SMCR8: variants seen among roughly 807,000 people sequenced by gnomAD.
SMCR8 encodes SMCR8-C9orf72 complex subunit, also known as guanine nucleotide exchange protein SMCR8.
In SMCR8, 30 loss-of-function variants were observed where a neutral mutation model predicts 56.6. The observed-to-expected ratio is 0.53, with a 90% CI of 0.40 to 0.72. The LOEUF (loss-of-function observed/expected upper bound fraction) is 0.72. Among genes scored for constraint, SMCR8 ranks in the 30% least tolerant of loss-of-function variants. SMCR8 has a pLI of 0.00. For synonymous variants in SMCR8, 538 were observed against 456.0 expected (o/e 1.18, Z -2.29); for missense variants, 1,198 against 1,157.0 (o/e 1.04, Z -0.51).
rs548852724 is a variant in SMCR8, at chr17:18,321,181, T to C, written c.2361-1436T>C. On this transcript the variant is annotated intron_variant, in intron 1 of 1. Coordinates refer to ENST00000406438, the MANE Select transcript of SMCR8 (RefSeq NM_144775.3). ...GTCCCAAGTCACCGTCAGTCCTTCT[T>C]ACACCATACCTGTCTGACGTAAACC... 2.6e-5 allele frequency among the ~76,000 whole-genome samples: 4 copies of C among 152,364 alleles called. No homozygotes were observed. The South Asian group carries it at 8.3e-4, about 32-fold the overall frequency.
At chr17:18,320,827 G>A (rs552384160) in intron 1 of SMCR8, among the ~76,000 whole-genome samples, 9 of 152,242 alleles carry the variant, frequency 5.9e-5, no homozygotes, top group Non-Finnish European at 1.0e-4. Flanking sequence ...TGCTTTTGCC[G>A]TGGTCTGCCA....
At position 18,317,485 on chromosome 17, in the gene SMCR8, C is replaced by T. The variant is rs375687854; in HGVS notation, c.1696C>T (p.Leu566=). 1.1e-5 allele frequency: 17 copies of T among 1,613,970 alleles called. No individual in the cohort carries two copies. Among genetic ancestry groups the T allele is most frequent in the Non-Finnish European group, 1.4e-5 (17 of 1,180,040 alleles). The part of the protein sequence containing the change: ...RFQASISPPE[L]GETEEGSIEN... ...CCAGGCAAGCATCAGTCCTCCAGAA[C>T]TGGGTGAGACAGAGGAAGGCAGCAT... Residue 566 remains leucine, a synonymous_variant, in exon 1 of 2, where the codon CTG becomes TTG. Transcript: ENST00000406438.
rs746887623 is a variant in SMCR8 at position 18,316,176 on chromosome 17, G to A, written c.387G>A (p.Lys129=). ...EDSKVVLGDS[K]EGAFAYVHHL... ...CCAAGGTGGTGCTGGGAGATTCTAA[G>A]GAGGGCGCCTTTGCATACGTGCACC... The change falls in exon 1 of 2, where the codon AAG becomes AAA. Residue 129 remains lysine, a synonymous_variant. Coordinates refer to ENST00000406438, the MANE Select transcript of SMCR8 (RefSeq NM_144775.3). 15 of 1,614,002 alleles carry A rather than the reference G, an allele frequency of 9.3e-6. No homozygotes were observed. Among genetic ancestry groups the A allele is most frequent in the East Asian group, 8.9e-5 (4 of 44,898 alleles).
chr17:18,320,731 A>G (rs1982472550), intron 1 of SMCR8, among the ~76,000 whole-genome samples: 1 of 152,182 alleles, frequency 6.6e-6, no homozygotes, highest in Middle Eastern at 3.2e-3. Context: ...TGTGGGATGC[A>G]TGTGGTCCAT....
Position 18,315,552 on chromosome 17 carries a change from C to A in SMCR8, c.-238C>A. ...ACGAAGAAGAGAAGGGCAGTTGGGC[C>A]TGCGGCCTTGGCGTTCATGAGGCCT... On this transcript the variant is annotated 5_prime_UTR_variant, in exon 1 of 2. In the 5' UTR this introduces an upstream ATG that the reference lacks. Transcript: ENST00000406438. The A allele has an allele frequency of 2.1e-6, 1 of 479,290 alleles. No homozygotes were observed. Among genetic ancestry groups the A allele is most frequent in the Non-Finnish European group, 3.7e-6 (1 of 271,570 alleles). 29.7% of individuals were successfully genotyped at this position (479,290 alleles called of 1,614,324 possible).
chr17:18,319,661 A>G (rs1354145814), intron 1 of SMCR8, among the ~76,000 whole-genome samples: 2 of 152,068 alleles, frequency 1.3e-5, no homozygotes, highest in Non-Finnish European at 2.9e-5. Flanking sequence ...GGGATAAGAG[A>G]TGGCTAAACA....
chr17:18,317,619 G>A lies in SMCR8; in HGVS notation c.1830G>A (p.Gly610=), dbSNP rs759097014. The change falls in exon 1 of 2, where the codon GGG becomes GGA. Residue 610 remains glycine, a synonymous_variant. Transcript: ENST00000406438. ...CCCACACACACTCTGACGAGGATGGGGTGGTGAGCAGCCCCCCACAGCGCC... is the reference window on the plus strand; with the variant it reads ...CCCACACACACTCTGACGAGGATGGAGTGGTGAGCAGCCCCCCACAGCGCC... ...TPAHTHSDED[G]VVSSPPQRHR... is the part of the protein sequence containing the mutation. 4.3e-6 allele frequency: 7 copies of A among 1,614,140 alleles called. No individual in the cohort carries two copies. The highest frequency in any genetic ancestry group is 2.2e-5 in the East Asian group (1 of 44,882).
rs1461228883 is a variant in SMCR8 at position 18,327,393 on chromosome 17, C to T, written c.*4323C>T. 1 of 152,276 alleles carries T rather than the reference C, an allele frequency of 6.6e-6. No homozygotes were observed. Among genetic ancestry groups the T allele is most frequent in the Non-Finnish European group, 1.5e-5 (1 of 68,094 alleles). 9.4% of individuals were successfully genotyped at this position (152,276 alleles called of 1,614,324 possible). On this transcript the variant is annotated 3_prime_UTR_variant, in exon 2 of 2. Transcript: ENST00000406438. ...AGCCCTGGAGATGGCAGCTTGTCTC[C>T]AGCTGGGGAGGGGTCAGGCCCCTAA...
chr17:18,322,157 A>G (rs1354749734), intron 1 of SMCR8, among the ~76,000 whole-genome samples: 3 of 152,068 alleles, frequency 2.0e-5, no homozygotes, highest in Non-Finnish European at 4.4e-5. Flanking sequence ...GACTACAGGC[A>G]CCTGCCACCA....
rs781289836 is a variant in SMCR8 at position 18,316,884 on chromosome 17, G to A, written c.1095G>A (p.Gln365=). 8 of 1,614,196 alleles carry A rather than the reference G, an allele frequency of 5.0e-6. No homozygotes were observed. The highest frequency in any genetic ancestry group is 1.7e-5 in the Admixed American group (1 of 60,024). The change falls in exon 1 of 2, where the codon CAG becomes CAA. Residue 365 remains glutamine (Q), a synonymous_variant. Transcript: ENST00000406438. The stretch of plus-strand genomic sequence containing the variant: ...TTGATAGAGCACTTCTAAAACAACA[G>A]CATATAACAAACTTTCTCTTTGAAG... ...SQIDRALLKQ[Q]HITNFLFEDF...
chr17:18,317,034 T>A lies in SMCR8; in HGVS notation c.1245T>A (p.Val415=). The part of the protein sequence containing the change: ...ECPIPKVLIS[V]GSYKSSVESV... Reference sequence around the variant, plus strand: ...CAATTCCTAAAGTGTTAATTAGTGTTGGTTCTTACAAGTCCAGTGTGGAGT... The same window carrying A: ...CAATTCCTAAAGTGTTAATTAGTGTAGGTTCTTACAAGTCCAGTGTGGAGT... Residue 415 remains valine, a synonymous_variant, in exon 1 of 2, where the codon GTT becomes GTA. Transcript: ENST00000406438. 1 of 1,614,192 alleles carries A rather than the reference T, an allele frequency of 6.2e-7. No individual in the cohort carries two copies. Among genetic ancestry groups the A allele is most frequent in the Non-Finnish European group, 8.5e-7 (1 of 1,180,034 alleles).
At chr17:18,319,464 G>A (rs942123010) in intron 1 of SMCR8, among the ~76,000 whole-genome samples, 25 of 152,068 alleles carry the variant, frequency 1.6e-4, no homozygotes, top group African/African-American at 6.0e-4. Flanking sequence ...TCCTATCCTC[G>A]GAGGTGTTGC....
In SMCR8 at chr17:18,316,698, C is replaced by T. The variant is rs761736869; in HGVS notation, c.909C>T (p.Thr303=). 1 of 1,614,170 alleles carries T rather than the reference C, an allele frequency of 6.2e-7. No homozygotes were observed. The highest frequency in any genetic ancestry group is 8.5e-7 in the Non-Finnish European group (1 of 1,180,032). ...TDLYTCRPAY[T]PKLIKAKSTK... is the part of the protein sequence containing the mutation. ...TTTACACCTGCAGACCAGCCTACACCCCAAAACTTATCAAAGCAAAGTCCA... is the reference window on the plus strand; with the variant it reads ...TTTACACCTGCAGACCAGCCTACACTCCAAAACTTATCAAAGCAAAGTCCA... Residue 303 remains threonine (T), a synonymous_variant, in exon 1 of 2, where the codon ACC becomes ACT. Transcript: ENST00000406438.
rs1982584612 is a variant in SMCR8 at position 18,324,227 on chromosome 17, TG to T, written c.*1160del. 6.6e-6 allele frequency: 1 copy of T among 152,240 alleles called. No individual in the cohort carries two copies. The highest frequency in any genetic ancestry group is 1.5e-5 in the Non-Finnish European group (1 of 68,050). 9.4% of individuals were successfully genotyped at this position (152,240 alleles called of 1,614,324 possible). A position where few individuals can be genotyped will look rare whatever the true frequency, so the allele number is the denominator to read the frequency against. On this transcript the variant is annotated 3_prime_UTR_variant, in exon 2 of 2. Transcript: ENST00000406438. The stretch of plus-strand genomic sequence containing the variant: ...CGTGGCGCTCTTCAGGTTCTGCCTC[TG>T]GGAGGCTGTGTGCACCTCAGTCACC...
intron 1 of SMCR8, among the ~76,000 whole-genome samples, chr17:18,320,828 T>G (rs1982475357): frequency 6.6e-6 from 1 of 152,180 alleles, no homozygotes; most frequent in African/African-American, 2.4e-5. Context: ...GCTTTTGCCG[T>G]GGTCTGCCAC....
intron 1 of SMCR8, among the ~76,000 whole-genome samples, chr17:18,318,895 G>C (rs1157336206): frequency 6.6e-6 from 1 of 152,222 alleles, no homozygotes; most frequent in Non-Finnish European, 1.5e-5. Flanking sequence ...TGCTGTCCCT[G>C]TAAGTGCTCT....
chr17:18,319,740 A>T (rs1029948315), intron 1 of SMCR8, among the ~76,000 whole-genome samples: 5 of 151,656 alleles, frequency 3.3e-5, no homozygotes, highest in African/African-American at 1.2e-4. Context: ...TTGTTGTTGG[A>T]GACAGAGTCT....
chr17:18,316,250 G>A lies in SMCR8; in HGVS notation c.461G>A (p.Cys154Tyr). 1 of 1,613,800 alleles carries A rather than the reference G, an allele frequency of 6.2e-7. No individual in the cohort carries two copies. Among genetic ancestry groups the A allele is most frequent in the Non-Finnish European group, 8.5e-7 (1 of 1,180,042 alleles). ...GCCCGTGGCTTCGTGAGGCCGTTTTGCATGGCTTATATCTCTGCAGACCAG... is the reference window on the plus strand; with the variant it reads ...GCCCGTGGCTTCGTGAGGCCGTTTTACATGGCTTATATCTCTGCAGACCAG... ...LEARGFVRPFCMAYISADQHK... is the reference protein window; with the variant it reads ...LEARGFVRPFYMAYISADQHK... The change falls in exon 1 of 2, where the codon TGC becomes TAC. Residue 154 changes from cysteine (C) to tyrosine (Y), a missense_variant. Cys to Tyr is a radical substitution (Grantham distance 194). Transcript: ENST00000406438.
At position 18,317,756 on chromosome 17, in the gene SMCR8, A is replaced by G. The variant is rs945285472; in HGVS notation, c.1967A>G (p.His656Arg). ...CCCGCTTATGAGCTGGACCCGAGCC[A>G]CCTGCTGGCTAGCCGGGACATCAGT... ...GFPAYELDPS[H>R]LLASRDISKT... The change falls in exon 1 of 2, where the codon CAC (histidine) becomes CGC (arginine). Residue 656 changes from histidine (H) to arginine (R), a missense_variant. Coordinates refer to ENST00000406438, the MANE Select transcript of SMCR8 (RefSeq NM_144775.3). 7 of 1,614,012 alleles carry G rather than the reference A, an allele frequency of 4.3e-6. No individual in the cohort carries two copies. The highest frequency in any genetic ancestry group is 5.9e-6 in the Non-Finnish European group (7 of 1,180,024).
Sources: allele counts gnomAD v4.1 joint callset (sites outside exome capture counted in the v4.1 genomes callset), GRCh38; gene constraint gnomAD v4.1.1; transcripts MANE v1.5; gene names NCBI Gene and HGNC (gene_info 2026-07-23, HGNC 2026-07-21).